Variants in IGFL2 observed in about 807,000 individuals in gnomAD.
IGFL2 encodes the protein insulin growth factor-like family member 2.
A neutral mutation model predicts 13.9 loss-of-function variants in IGFL2; 7 were observed. The observed-to-expected ratio is 0.51, with a 90% CI of 0.29 to 0.95. The LOEUF (loss-of-function observed/expected upper bound fraction) is 0.95. IGFL2 is among the 40% of genes least tolerant of loss of function. The pLI, the probability that IGFL2 is intolerant of heterozygous loss-of-function variation, is 0.08. For synonymous variants in IGFL2, 55 were observed against 55.8 expected, an observed-to-expected ratio of 0.99 and a Z score of 0.07; for missense variants, 138 against 147.8, an observed-to-expected ratio of 0.93 and a Z score of 0.34.
At chr19:46,146,046 T>G (rs961816222), upstream of IGFL2, among the ~76,000 whole-genome samples, 1 of 152,184 alleles carries the variant, frequency 6.6e-6, no homozygotes, top group Non-Finnish European at 1.5e-5. Context: ...TTCCCAGATA[T>G]AAATGTTTTC....
chr19:46,188,262 T>C, the IGFL2 span, among the ~76,000 whole-genome samples: 4 of 152,184 alleles, frequency 2.6e-5, no homozygotes, highest in Non-Finnish European at 5.9e-5. Flanking sequence ...ATCTTGTGCA[T>C]GTCAGGGTTA....
At chr19:46,185,068 G>C in the IGFL2 span, among the ~76,000 whole-genome samples, 1 of 151,654 alleles carries the variant, frequency 6.6e-6, no homozygotes, top group Non-Finnish European at 1.5e-5. Flanking sequence ...GTCTGTACAT[G>C]TCCTTTGCCT....
At chr19:46,176,469 A>G in the IGFL2 span, among the ~76,000 whole-genome samples, 1 of 152,146 alleles carries the variant, frequency 6.6e-6, no homozygotes. Context: ...CAGGGATCCA[A>G]AATGAGCTTT....
chr19:46,192,495 C>T, the IGFL2 span, among the ~76,000 whole-genome samples: 2 of 151,506 alleles, frequency 1.3e-5, no homozygotes, highest in African/African-American at 2.4e-5. Flanking sequence ...TCTCAGCTCA[C>T]TGCAACCTCC....
At chr19:46,113,850 C>G in the IGFL2 span, 2 of 156,192 alleles carry the variant, frequency 1.3e-5, no homozygotes, top group Non-Finnish European at 2.8e-5. Context: ...ATGAAGAAAG[C>G]AGTCCCCTGT....
the IGFL2 span, among the ~76,000 whole-genome samples, chr19:46,112,709 G>A: frequency 6.6e-6 from 1 of 152,240 alleles, no homozygotes; most frequent in East Asian, 1.9e-4. Flanking sequence ...GAGGAGGAGT[G>A]GGAGTAGACA....
At chr19:46,100,142 C>A in the IGFL2 span, among the ~76,000 whole-genome samples, 8 of 152,146 alleles carry the variant, frequency 5.3e-5, no homozygotes, top group Non-Finnish European at 1.2e-4. Flanking sequence ...CAGCCTCCAC[C>A]CAGTTCTGTA....
chr19:46,180,741 A>G, the IGFL2 span: 1 of 152,234 alleles, frequency 6.6e-6, no homozygotes, highest in Admixed American at 6.5e-5. Flanking sequence ...CTGTGGCGGA[A>G]GCCCTGAGAG....
the IGFL2 span, among the ~76,000 whole-genome samples, chr19:46,093,659 T>C: frequency 1.2e-3 from 181 of 152,308 alleles, 1 homozygote; most frequent in Admixed American, 3.6e-3. Flanking sequence ...AAAGAATTCA[T>C]AGGACAAATA....
the IGFL2 span, among the ~76,000 whole-genome samples, chr19:46,097,183 C>T: frequency 0.011 from 1,627 of 152,290 alleles, 21 homozygotes; most frequent in African/African-American, 0.035. Flanking sequence ...ATTACTGCCT[C>T]GACTTCAGAA....
At chr19:46,087,908 G>A in the IGFL2 span, among the ~76,000 whole-genome samples, 16 of 152,330 alleles carry the variant, frequency 1.1e-4, no homozygotes, top group South Asian at 3.3e-3. Flanking sequence ...GTGCCTTGAT[G>A]CAGCTGATTA....
At chr19:46,205,265 A>G in the IGFL2 span, among the ~76,000 whole-genome samples, 2 of 152,224 alleles carry the variant, frequency 1.3e-5, no homozygotes, top group Non-Finnish European at 2.9e-5. Context: ...CCACAGACAT[A>G]GAAAGGCAGG....
At chr19:46,149,178 CTCTCTCTCTTT>C in intron 1 of IGFL2, 1 of 192,498 alleles carries the variant, frequency 5.2e-6, no homozygotes, top group Admixed American at 4.5e-5. Flanking sequence ...TCTCTCTCTT[CTCTCTCTCTTT>C]CTCTCTCCCT....
chr19:46,138,327 C>T (rs1216096532), upstream of IGFL2, among the ~76,000 whole-genome samples: 1 of 152,174 alleles, frequency 6.6e-6, no homozygotes, highest in Non-Finnish European at 1.5e-5. Context: ...CATCGTCTAA[C>T]CCTGGGGAGC....
chr19:46,201,700 G>C, the IGFL2 span, among the ~76,000 whole-genome samples: 1 of 152,246 alleles, frequency 6.6e-6, no homozygotes, highest in South Asian at 2.1e-4. Flanking sequence ...TTGCCAGGGA[G>C]GGAGTAAAAG....
chr19:46,160,747 C>CT lies in IGFL2; in HGVS notation c.208dup (p.Cys70LeufsTer8). On this transcript the variant is annotated frameshift_variant, in exon 3 of 4. Coordinates refer to ENST00000377693, the MANE Select transcript of IGFL2 (RefSeq NM_001135113.2). LOFTEE classifies it high-confidence loss of function. ...GCGAGACCCGCCAATGTGGTCCCCCCTGCACCTTCTGGCCCTGCTTTGAGC... is the reference window on the plus strand; with the variant it reads ...GCGAGACCCGCCAATGTGGTCCCCCCTTGCACCTTCTGGCCCTGCTTTGAGC... 1 of 1,614,226 alleles carries CT rather than the reference C, an allele frequency of 6.2e-7. No individual in the cohort carries two copies.
At chr19:46,162,335 T>C (rs1265790016), downstream of IGFL2, among the ~76,000 whole-genome samples, 2 of 152,200 alleles carry the variant, frequency 1.3e-5, no homozygotes, top group Non-Finnish European at 2.9e-5. Flanking sequence ...GTGTGTTGGC[T>C]TCTCTAGCAA....
chr19:46,078,544 G>A, the IGFL2 span, among the ~76,000 whole-genome samples: 1 of 152,216 alleles, frequency 6.6e-6, no homozygotes, highest in Admixed American at 6.5e-5. Flanking sequence ...ACCTGCTCCT[G>A]TATTACCTAA....
chr19:46,100,651 C>T, the IGFL2 span, among the ~76,000 whole-genome samples: 3 of 152,244 alleles, frequency 2.0e-5, no homozygotes, highest in Non-Finnish European at 2.9e-5. Flanking sequence ...AAGTTTTAAC[C>T]ATTCACTAGG....
Sources: allele counts gnomAD v4.1 joint callset (sites outside exome capture counted in the v4.1 genomes callset), GRCh38; gene constraint gnomAD v4.1.1; transcripts MANE v1.5; gene names NCBI Gene and HGNC (gene_info 2026-07-23, HGNC 2026-07-21).